PRIM2: variants seen among roughly 807,000 people sequenced by gnomAD.
PRIM2 encodes the protein DNA primase subunit 2.
Under a neutral mutation model 67.3 loss-of-function variants are expected in PRIM2, and 39 were observed. The ratio of observed to expected loss-of-function variants is 0.58; its 90% CI spans 0.45 to 0.76. The LOEUF (loss-of-function observed/expected upper bound fraction) is 0.76. Ranked by LOEUF, PRIM2 falls within the 30% of genes least tolerant of loss-of-function variation. The pLI is 0.00. For missense variants in PRIM2, 398 were observed against 598.7 expected, an observed-to-expected ratio of 0.66 and a Z score of 3.50; for synonymous variants, 143 against 198.7, an observed-to-expected ratio of 0.72 and a Z score of 2.36.
At chr6:57,252,464 G>A in the PRIM2 span, among the ~76,000 whole-genome samples, 2 of 151,322 alleles carry the variant, frequency 1.3e-5, no homozygotes, top group Admixed American at 6.6e-5. Context: ...TTTTTGAGAC[G>A]CAGTCTCGCT....
At chr6:57,315,885 A>G (rs1368955267), upstream of PRIM2, among the ~76,000 whole-genome samples, 1 of 152,014 alleles carries the variant, frequency 6.6e-6, no homozygotes, top group Non-Finnish European at 1.5e-5. Flanking sequence ...AAATATTCTT[A>G]TGGTCTGTGA....
intron 13 of PRIM2, among the ~76,000 whole-genome samples, chr6:57,641,626 A>G (rs1476949638): frequency 1.3e-5 from 2 of 152,252 alleles, no homozygotes; most frequent in African/African-American, 2.4e-5. Flanking sequence ...CAAACATATG[A>G]AAAAATGCTC....
intron 7 of PRIM2, among the ~76,000 whole-genome samples, chr6:57,420,275 C>T (rs943871161): frequency 8.5e-5 from 13 of 152,086 alleles, no homozygotes; most frequent in South Asian, 2.1e-4. Context: ...GAGGCCAAGG[C>T]GGGTAGATCA....
Position 57,339,240 on chromosome 6 carries a change from T to C in PRIM2, c.459+13195T>C, listed in dbSNP as rs552896193. On this transcript the variant is annotated intron_variant, in intron 5 of 13. Coordinates refer to ENST00000615550, the MANE Select transcript of PRIM2 (RefSeq NM_000947.5). ...GAAATGGAAGAACATTCCATGCTCA[T>C]GGGTAGGAAGAATCAATATCGTGAA... Among the ~76,000 whole-genome samples the C allele has an allele frequency of 1.1e-3, 172 of 152,304 alleles. 1 individual carries two copies. The East Asian group carries it at 0.014, about 13-fold the overall frequency.
At chr6:57,454,849 G>T (rs1318385206) in intron 7 of PRIM2, among the ~76,000 whole-genome samples, 1 of 152,142 alleles carries the variant, frequency 6.6e-6, no homozygotes, top group East Asian at 1.9e-4. Context: ...GTTTGCTCTT[G>T]CTTCTCTAGT....
At chr6:57,349,918 C>A (rs572617721) in intron 5 of PRIM2, among the ~76,000 whole-genome samples, 3 of 152,240 alleles carry the variant, frequency 2.0e-5, no homozygotes, top group African/African-American at 7.2e-5. Context: ...TCTTCTTAAA[C>A]CTTCAATATG....
chr6:57,474,421 G>T (rs1400969369), intron 7 of PRIM2, among the ~76,000 whole-genome samples: 1 of 151,914 alleles, frequency 6.6e-6, no homozygotes, highest in African/African-American at 2.4e-5. Flanking sequence ...TGATCTGCCC[G>T]CCTCAGCCTC....
chr6:57,257,022 A>G, the PRIM2 span, among the ~76,000 whole-genome samples: 1 of 152,184 alleles, frequency 6.6e-6, no homozygotes, highest in African/African-American at 2.4e-5. Context: ...ATTAATTCTG[A>G]CAGATATCAC....
chr6:57,539,538 T>C (rs1775091310), intron 10 of PRIM2, among the ~76,000 whole-genome samples: 1 of 151,892 alleles, frequency 6.6e-6, no homozygotes, highest in South Asian at 2.1e-4. Flanking sequence ...TGGACATAGA[T>C]AATTGATTAT....
At chr6:57,584,889 C>A (rs1776161070) in intron 10 of PRIM2, among the ~76,000 whole-genome samples, 1 of 152,144 alleles carries the variant, frequency 6.6e-6, no homozygotes, top group African/African-American at 2.4e-5. Flanking sequence ...CATAATTCAG[C>A]TAGTAGGTGG....
intron 5 of PRIM2, among the ~76,000 whole-genome samples, chr6:57,357,945 TG>T (rs1769089277): frequency 6.6e-6 from 1 of 152,130 alleles, no homozygotes; most frequent in African/African-American, 2.4e-5. Flanking sequence ...TGTCTTGAAA[TG>T]GGCTCTAAGT....
the PRIM2 span, among the ~76,000 whole-genome samples, chr6:57,284,422 T>G: frequency 1.3e-5 from 2 of 152,216 alleles, no homozygotes; most frequent in Non-Finnish European, 2.9e-5. Flanking sequence ...GTTCTGATCT[T>G]AAACAGTTTT....
chr6:57,268,607 T>TC, the PRIM2 span, among the ~76,000 whole-genome samples: 3 of 152,088 alleles, frequency 2.0e-5, no homozygotes, highest in African/African-American at 7.2e-5. Flanking sequence ...TATGGCAATT[T>TC]CCCCCCACAT....
At chr6:57,378,470 T>A (rs1163144200) in intron 5 of PRIM2, among the ~76,000 whole-genome samples, 3 of 152,240 alleles carry the variant, frequency 2.0e-5, no homozygotes, top group African/African-American at 7.2e-5. Context: ...ATCTGTAAAC[T>A]TTGTGAATTC....
chr6:57,640,272 C>G (rs1345024251), intron 13 of PRIM2, among the ~76,000 whole-genome samples: 1 of 152,114 alleles, frequency 6.6e-6, no homozygotes, highest in Non-Finnish European at 1.5e-5. Flanking sequence ...AAACCCACAG[C>G]CAATATCATA....
chr6:57,547,858 A>C (rs1353801983), intron 10 of PRIM2, among the ~76,000 whole-genome samples: 48 of 152,236 alleles, frequency 3.2e-4, no homozygotes, highest in Admixed American at 6.5e-4. Flanking sequence ...AAAATTGACT[A>C]CTGAAGGATT....
chr6:57,325,586 G>A (rs536167065), intron 4 of PRIM2, among the ~76,000 whole-genome samples: 16 of 152,164 alleles, frequency 1.1e-4, no homozygotes, highest in Admixed American at 5.2e-4. Context: ...GAACCACGAC[G>A]CCCAGCCCCT....
At chr6:57,622,575 T>C (rs2127497280) in intron 12 of PRIM2, among the ~76,000 whole-genome samples, 1 of 152,372 alleles carries the variant, frequency 6.6e-6, no homozygotes, top group Non-Finnish European at 1.5e-5. Context: ...ATTTCTGCAC[T>C]AATGTTTTTA....
chr6:57,362,515 C>T (rs940904429), intron 5 of PRIM2, among the ~76,000 whole-genome samples: 1 of 151,988 alleles, frequency 6.6e-6, no homozygotes, highest in African/African-American at 2.4e-5. Context: ...GCTTGGAAGA[C>T]TTCGGTTATC....
Sources: gnomAD v4.1 joint callset for allele counts (sites outside exome capture counted in the v4.1 genomes callset) on GRCh38, gnomAD v4.1.1 for gene constraint, MANE v1.5 for transcripts, NCBI Gene and HGNC (gene_info 2026-07-23, HGNC 2026-07-21) for gene names.